Variants in TBC1D19 observed in about 807,000 individuals in gnomAD.
TBC1D19 encodes the protein TBC1 domain family member 19, also known as TBC1 domain family, member 19.
Under a neutral mutation model 89.0 loss-of-function variants are expected in TBC1D19, and 60 were observed. That is an observed-to-expected ratio of 0.67 (90% CI 0.55 to 0.84). The LOEUF is 0.84. Among genes scored for constraint, TBC1D19 ranks in the 40% least tolerant of loss-of-function variants. The pLI is 0.00. For synonymous variants in TBC1D19, 189 were observed against 199.7 expected (o/e 0.95, Z 0.45); for missense variants, 500 against 610.8 (o/e 0.82, Z 1.91).
At chr4:26,599,716 C>T (rs960692573) in intron 1 of TBC1D19, among the ~76,000 whole-genome samples, 3 of 151,992 alleles carry the variant, frequency 2.0e-5, no homozygotes, top group Admixed American at 6.6e-5. Flanking sequence ...GAGGCCAAGG[C>T]GGGCGGGTTG....
chr4:26,739,795 C>CT, intron 16 of TBC1D19, 69 bp from the exon 17 acceptor site: 1 of 860,762 alleles, frequency 1.2e-6, no homozygotes. Context: ...TTTATTATGA[C>CT]ATATTTTATA....
chr4:26,841,413 T>C, the TBC1D19 span, among the ~76,000 whole-genome samples: 19 of 151,152 alleles, frequency 1.3e-4, no homozygotes, highest in Admixed American at 1.3e-3. Context: ...AGTGTATGAC[T>C]TGTTGAGGGT....
At chr4:26,754,149 G>T in intron 20 of TBC1D19, 1 of 363,574 alleles carries the variant, frequency 2.8e-6, no homozygotes, top group East Asian at 4.4e-5. Flanking sequence ...CAGATACCTG[G>T]TAATTTTAAT....
At chr4:26,809,657 G>A in the TBC1D19 span, among the ~76,000 whole-genome samples, 1 of 152,174 alleles carries the variant, frequency 6.6e-6, no homozygotes, top group African/African-American at 2.4e-5. Flanking sequence ...GTATGGCTGA[G>A]CAGCTCAGCT....
At chr4:26,851,280 T>C in the TBC1D19 span, among the ~76,000 whole-genome samples, 1 of 132,576 alleles carries the variant, frequency 7.5e-6, no homozygotes, top group East Asian at 2.1e-4. Flanking sequence ...CATAATGGCA[T>C]GAGCCAATTC....
At chr4:26,598,947 AAATAGAAAGTTGGGCAAG>A (rs34481845) in intron 1 of TBC1D19, among the ~76,000 whole-genome samples, 7,260 of 152,122 alleles carry the variant, frequency 0.048, 582 homozygotes, top group African/African-American at 0.17. Flanking sequence ...AAAATAGACA[AAATAGAAAGTTGGGCAAG>A]AATAGAAAGA....
At chr4:26,842,157 C>T in the TBC1D19 span, among the ~76,000 whole-genome samples, 6 of 151,996 alleles carry the variant, frequency 3.9e-5, no homozygotes, top group South Asian at 1.0e-3. Flanking sequence ...TCTGCCCAGG[C>T]CTGCTTTTGC....
chr4:26,842,712 C>T, the TBC1D19 span, among the ~76,000 whole-genome samples: 6 of 146,932 alleles, frequency 4.1e-5, no homozygotes, highest in Admixed American at 6.9e-5. Context: ...ATGTTGCCCC[C>T]GGCTGGTCTT....
chr4:26,656,465 A>T (rs1744816018), intron 7 of TBC1D19, among the ~76,000 whole-genome samples: 1 of 152,196 alleles, frequency 6.6e-6, no homozygotes, highest in East Asian at 1.9e-4. Context: ...CCTAGCAAAC[A>T]TATTTATTTT....
At chr4:26,846,625 ATTTAT>A in the TBC1D19 span, among the ~76,000 whole-genome samples, 1 of 152,128 alleles carries the variant, frequency 6.6e-6, no homozygotes, top group Admixed American at 6.5e-5. Flanking sequence ...AAATTATATA[ATTTAT>A]TTTAAGCTTA....
At chr4:26,828,258 C>T in the TBC1D19 span, among the ~76,000 whole-genome samples, 4 of 152,194 alleles carry the variant, frequency 2.6e-5, no homozygotes, top group African/African-American at 9.7e-5. Flanking sequence ...GAATTTCAGC[C>T]TCTTAGGCTC....
chr4:26,829,351 A>G, the TBC1D19 span, among the ~76,000 whole-genome samples: 3 of 152,284 alleles, frequency 2.0e-5, no homozygotes, highest in South Asian at 4.1e-4. Context: ...CACATTTCAG[A>G]TTTAGAAGGG....
At chr4:26,790,507 A>T in the TBC1D19 span, among the ~76,000 whole-genome samples, 1 of 152,256 alleles carries the variant, frequency 6.6e-6, no homozygotes, top group Non-Finnish European at 1.5e-5. Flanking sequence ...ATACCTGATG[A>T]GCTATAACCA....
At chr4:26,709,312 CTT>C (rs552936668) in intron 13 of TBC1D19, among the ~76,000 whole-genome samples, 270 of 152,060 alleles carry the variant, frequency 1.8e-3, no homozygotes, top group African/African-American at 6.2e-3. Context: ...ATGACCTAGT[CTT>C]TAACATCTGG....
At chr4:26,725,365 C>G (rs1437591618) in intron 15 of TBC1D19, among the ~76,000 whole-genome samples, 1 of 152,160 alleles carries the variant, frequency 6.6e-6, no homozygotes, top group Non-Finnish European at 1.5e-5. Flanking sequence ...CTCCACTCTT[C>G]TCAGTGACAT....
the TBC1D19 span, among the ~76,000 whole-genome samples, chr4:26,777,064 T>G: frequency 6.6e-6 from 1 of 152,132 alleles, no homozygotes; most frequent in South Asian, 2.1e-4. Context: ...GTTTTGGTGT[T>G]ATTCTACAGG....
chr4:26,673,440 T>TACACACAC (rs1186152445), intron 10 of TBC1D19, among the ~76,000 whole-genome samples: 11 of 16,586 alleles, frequency 6.6e-4, no homozygotes, highest in African/African-American at 9.0e-4. Flanking sequence ...TATATATATA[T>TACACACAC]ATATATACAC....
chr4:26,698,544 C>T (rs1261685011), intron 13 of TBC1D19, among the ~76,000 whole-genome samples: 7 of 152,168 alleles, frequency 4.6e-5, no homozygotes, highest in East Asian at 1.9e-4. Flanking sequence ...AAAATGAGCC[C>T]ACATCGCCAA....
intron 2 of TBC1D19, 45 bp downstream of exon 2, chr4:26,613,286 TTTTA>T (rs1560417728): frequency 4.1e-6 from 5 of 1,219,416 alleles, no homozygotes; most frequent in Middle Eastern, 2.3e-4. Context: ...TAAGAAAATG[TTTTA>T]TTTATTCCTA....
Sources: allele counts gnomAD v4.1 joint callset (sites outside exome capture counted in the v4.1 genomes callset), GRCh38; gene constraint gnomAD v4.1.1; transcripts MANE v1.5; gene names NCBI Gene and HGNC (gene_info 2026-07-23, HGNC 2026-07-21).